RWDD4: variants seen among roughly 807,000 people sequenced by gnomAD.
RWDD4 encodes RWD domain containing 4, also known as RWD domain-containing protein 4.
RWDD4 carries 16 observed loss-of-function variants against 30.0 expected under a neutral mutation model. The observed-to-expected ratio is 0.53, with a 90% CI of 0.36 to 0.81. The LOEUF is 0.81. Ranked by LOEUF, RWDD4 falls within the 30% of genes least tolerant of loss-of-function variation. RWDD4 has a pLI of 0.00. For missense variants in RWDD4, 170 were observed against 223.9 expected (o/e 0.76, Z 1.54); for synonymous variants, 45 against 72.1 (o/e 0.62, Z 1.90).
chr4:183,652,682 C>A (rs1047729479), intron 2 of RWDD4, among the ~76,000 whole-genome samples: 1 of 151,692 alleles, frequency 6.6e-6, no homozygotes, highest in Admixed American at 6.6e-5. Context: ...TGGTGGCATG[C>A]GCCTGTAGTC....
chr4:183,655,972 G>A lies in RWDD4; in HGVS notation c.25-11C>T, dbSNP rs1384571157. On this transcript the variant is annotated splice_polypyrimidine_tract_variant and intron_variant, in intron 1 of 7. Transcript: ENST00000326397. Reference sequence around the variant, plus strand: ...TGCTTCTAGTTCCATCTGAAATAAAGAACTGAATGAGTTTTGTTTAGTGGT... The same window carrying A: ...TGCTTCTAGTTCCATCTGAAATAAAAAACTGAATGAGTTTTGTTTAGTGGT... 1.3e-6 allele frequency: 2 copies of A among 1,573,798 alleles called. No homozygotes were observed. The highest frequency in any genetic ancestry group is 4.5e-5 in the East Asian group (2 of 44,594).
chr4:183,648,052 G>A (rs1733996605), intron 5 of RWDD4, among the ~76,000 whole-genome samples: 1 of 152,160 alleles, frequency 6.6e-6, no homozygotes, highest in African/African-American at 2.4e-5. Flanking sequence ...AGACCAGCCT[G>A]CCCAATATGG....
At chr4:183,650,837 T>C in intron 4 of RWDD4, 147 bp downstream of exon 4, 1 of 654,404 alleles carries the variant, frequency 1.5e-6, no homozygotes, top group Non-Finnish European at 2.4e-6. Context: ...AAATCTGAAA[T>C]CCATTGTTCT....
chr4:183,641,020 T>C lies in RWDD4; in HGVS notation c.*416A>G, dbSNP rs1426780991. 1.3e-5 allele frequency: 2 copies of C among 158,458 alleles called. No homozygotes were observed. Among genetic ancestry groups the C allele is most frequent in the African/African-American group, 4.8e-5 (2 of 41,626 alleles). 9.8% of individuals were successfully genotyped at this position (158,458 alleles called of 1,614,324 possible). A position where few individuals can be genotyped will look rare whatever the true frequency, so the allele number is the denominator to read the frequency against. Reference sequence around the variant, plus strand: ...ATGAAGACTTAAGAGAAGAAGCCTATTAATATGGATTGCACTATGGAGTAA... The same window carrying C: ...ATGAAGACTTAAGAGAAGAAGCCTACTAATATGGATTGCACTATGGAGTAA... On this transcript the variant is annotated 3_prime_UTR_variant, in exon 8 of 8. Transcript: ENST00000326397.
rs2111246102 is a variant in RWDD4 at position 183,652,626 on chromosome 4, A to G, written c.106-1299T>C. ...AGAGATCGAGACCATCCTGGCCAAC[A>G]TGGTGAAACCCCATCTCTGCTAAAA... On this transcript the variant is annotated intron_variant, in intron 2 of 7. Coordinates refer to ENST00000326397, the MANE Select transcript of RWDD4 (RefSeq NM_152682.4). 1.3e-5 allele frequency among the ~76,000 whole-genome samples: 2 copies of G among 152,246 alleles called. 1 individual carries two copies. The highest frequency in any genetic ancestry group is 4.1e-4 in the South Asian group (2 of 4,828).
In RWDD4 at chr4:183,659,090, G is replaced by C. The variant is rs985272232; in HGVS notation, c.-138C>G. The stretch of plus-strand genomic sequence containing the variant: ...CGGCACAGTCTTGGCACTGGCAGAC[G>C]CCAACTGCGCGCGCCCCGAGCCTCG... On this transcript the variant is annotated 5_prime_UTR_variant, in exon 1 of 8. Transcript: ENST00000326397. 8.4e-6 allele frequency: 5 copies of C among 596,226 alleles called. No individual in the cohort carries two copies. The highest frequency in any genetic ancestry group is 1.2e-5 in the Non-Finnish European group (5 of 408,542). The allele number at this position is 596,226 out of a possible 1,614,324, so 36.9% of individuals were successfully genotyped here.
intron 5 of RWDD4, among the ~76,000 whole-genome samples, chr4:183,647,133 C>CA (rs1733979513): frequency 1.3e-5 from 2 of 152,298 alleles, no homozygotes; most frequent in South Asian, 4.1e-4. Flanking sequence ...TCATAGTCTG[C>CA]AAAGTGCTTT....
intron 2 of RWDD4, among the ~76,000 whole-genome samples, chr4:183,653,395 C>A (rs2111247636): frequency 6.6e-6 from 1 of 150,556 alleles, no homozygotes; most frequent in African/African-American, 2.5e-5. Flanking sequence ...ACAGCAAGAC[C>A]CTGTCTCTAT....
In RWDD4 at chr4:183,655,864, T is replaced by C. The variant is rs756756341; in HGVS notation, c.105+17A>G. 1 of 1,538,692 alleles carries C rather than the reference T, an allele frequency of 6.5e-7. No homozygotes were observed. The highest frequency in any genetic ancestry group is 1.1e-5 in the South Asian group (1 of 88,250). ...TCTAGAAAAGTTCTAAGTGCTCTTA[T>C]TCATGCCATGTCTTACCCTATATTG... On this transcript the variant is annotated intron_variant, in intron 2 of 7. Transcript: ENST00000326397.
At chr4:183,651,597 A>G (rs1031185114) in intron 2 of RWDD4, among the ~76,000 whole-genome samples, 1 of 152,190 alleles carries the variant, frequency 6.6e-6, no homozygotes, top group African/African-American at 2.4e-5. Flanking sequence ...TTCTAGTACC[A>G]CGCCTACATC....
chr4:183,648,104 C>T (rs1232501456), intron 5 of RWDD4, among the ~76,000 whole-genome samples: 1 of 152,074 alleles, frequency 6.6e-6, no homozygotes, highest in Non-Finnish European at 1.5e-5. Flanking sequence ...ATTAGCCAGG[C>T]ATAGTGACAT....
rs542821402 is a variant in RWDD4 at position 183,645,524 on chromosome 4, C to T, written c.534+827G>A. On this transcript the variant is annotated intron_variant, in intron 7 of 7. Coordinates refer to ENST00000326397, the MANE Select transcript of RWDD4 (RefSeq NM_152682.4). ...GTGGCTGCCGCCGGCAATCCCAGCA[C>T]GTTGTGAGGCCGAGGTAGCAGGATC... Among the ~76,000 whole-genome samples, 17 of 150,024 alleles carry T rather than the reference C, an allele frequency of 1.1e-4. No homozygotes were observed. The South Asian group carries it at 3.1e-3, about 28-fold the overall frequency.
intron 2 of RWDD4, among the ~76,000 whole-genome samples, chr4:183,653,264 A>T (rs561096057): frequency 5.3e-5 from 8 of 152,234 alleles, no homozygotes; most frequent in Non-Finnish European, 1.2e-4. Context: ...AAACCTTTTC[A>T]TTTTGTAATT....
At chr4:183,652,301 G>A (rs1016819961) in intron 2 of RWDD4, among the ~76,000 whole-genome samples, 5 of 150,820 alleles carry the variant, frequency 3.3e-5, no homozygotes, top group South Asian at 4.2e-4. Context: ...TGGACTGCAC[G>A]AGTTGTTATG....
intron 2 of RWDD4, among the ~76,000 whole-genome samples, chr4:183,655,568 G>A (rs1274267964): frequency 1.3e-5 from 2 of 152,190 alleles, no homozygotes; most frequent in African/African-American, 4.8e-5. Flanking sequence ...ACAGGTGAGA[G>A]CCACCGCGCC....
intron 1 of RWDD4, among the ~76,000 whole-genome samples, chr4:183,658,681 GTTA>G (rs1345010927): frequency 1.3e-5 from 2 of 152,256 alleles, no homozygotes; most frequent in African/African-American, 4.8e-5. Context: ...GCTCATCCCT[GTTA>G]TTAAGTAACC....
chr4:183,646,410 A>G (rs927145118), intron 6 of RWDD4, 57 bp from the exon 7 acceptor site: 1 of 1,585,802 alleles, frequency 6.3e-7, no homozygotes, highest in African/African-American at 1.4e-5. Flanking sequence ...GTGAAGGGGA[A>G]AACAAAAAAT....
At chr4:183,653,665 T>A (rs1388334464) in intron 2 of RWDD4, 10 of 152,222 alleles carry the variant, frequency 6.6e-5, no homozygotes, top group Non-Finnish European at 1.5e-4. Flanking sequence ...TGTAGGGATC[T>A]ACTGATAGAC....
At chr4:183,642,902 A>G (rs1733887880) in intron 7 of RWDD4, among the ~76,000 whole-genome samples, 1 of 150,970 alleles carries the variant, frequency 6.6e-6, no homozygotes, top group South Asian at 2.1e-4. Context: ...ACTAAAAAAT[A>G]CAAAAAATTA....
Sources: gnomAD v4.1 joint callset for allele counts (sites outside exome capture counted in the v4.1 genomes callset) on GRCh38, gnomAD v4.1.1 for gene constraint, MANE v1.5 for transcripts, NCBI Gene and HGNC (gene_info 2026-07-23, HGNC 2026-07-21) for gene names.